Variants in PRKN observed in about 807,000 individuals in gnomAD.
PRKN encodes E3 ubiquitin-protein ligase parkin.
A neutral mutation model predicts 59.5 loss-of-function variants in PRKN; 56 were observed. The observed-to-expected ratio is 0.94, with a 90% CI of 0.76 to 1.18. The LOEUF (loss-of-function observed/expected upper bound fraction) is 1.18, where lower values mean the gene tolerates loss of function less well. Among genes scored for constraint, PRKN ranks in the 50% most tolerant of loss-of-function variants. The probability of loss-of-function intolerance (pLI) is 0.00; values close to 1 mark genes in which losing one functional copy is unlikely to be tolerated. For synonymous variants in PRKN, 250 were observed against 222.1 expected, an observed-to-expected ratio of 1.13 and a Z score of -1.12; for missense variants, 657 against 596.4, an observed-to-expected ratio of 1.10 and a Z score of -1.06.
At chr6:162,727,516 G>GCGGCGCGGGCCGGGGA (rs1342972059) in intron 1 of PRKN, 146 bp downstream of exon 1, 2 of 892,920 alleles carry the variant, frequency 2.2e-6, no homozygotes, top group Non-Finnish European at 3.4e-6. Context: ...GGGGAGCCCG[G>GCGGCGCGGGCCGGGGA]CGGCGCGGGC....
chr6:161,984,487 A>C (rs1006888733), intron 5 of PRKN, among the ~76,000 whole-genome samples: 1 of 152,078 alleles, frequency 6.6e-6, no homozygotes, highest in African/African-American at 2.4e-5. Context: ...CGAACTCCTG[A>C]CCTCAGGTGA....
chr6:161,737,973 A>G (rs542608393), intron 7 of PRKN, among the ~76,000 whole-genome samples: 1 of 152,312 alleles, frequency 6.6e-6, no homozygotes, highest in East Asian at 1.9e-4. Context: ...CTCCAAAATA[A>G]TAGTTTGGAA....
intron 1 of PRKN, among the ~76,000 whole-genome samples, chr6:162,622,636 T>C (rs935927977): frequency 6.6e-6 from 1 of 152,192 alleles, no homozygotes; most frequent in South Asian, 2.1e-4. Flanking sequence ...GATTCTTGGA[T>C]CTGATAATCC....
chr6:162,727,576 G>A (rs1254152717), intron 1 of PRKN, 86 bp downstream of exon 1: 6 of 1,382,428 alleles, frequency 4.3e-6, no homozygotes, highest in African/African-American at 4.3e-5. Context: ...TGGCACCGGG[G>A]GTCCTGGTCG....
At chr6:162,246,798 T>A (rs117033003) in intron 3 of PRKN, among the ~76,000 whole-genome samples, 2,944 of 152,290 alleles carry the variant, frequency 0.019, 46 homozygotes, top group Non-Finnish European at 0.028. Context: ...TACAGTGACA[T>A]AATTTTAAAG....
intron 6 of PRKN, among the ~76,000 whole-genome samples, chr6:161,886,130 C>T (rs1795139147): frequency 6.6e-6 from 1 of 152,086 alleles, no homozygotes; most frequent in Non-Finnish European, 1.5e-5. Flanking sequence ...GACAGCTATG[C>T]TCTAATTCAT....
rs372442600 is a variant in PRKN at position 161,722,072 on chromosome 6, CT to C, written c.871+63699del. Among the ~76,000 whole-genome samples the C allele has an allele frequency of 3.5e-3, 531 of 152,228 alleles. 4 individuals are homozygous for C. Among genetic ancestry groups the C allele is most frequent in the African/African-American group, 0.012 (500 of 41,550 alleles). On this transcript the variant is annotated intron_variant, in intron 7 of 11. Transcript: ENST00000366898. ...GGGAAACTGGCCTCTAAATCTCCGCCTTTACTGGTAAGTCAGGCTCAGCAAC... is the reference window on the plus strand; with the variant it reads ...GGGAAACTGGCCTCTAAATCTCCGCCTTACTGGTAAGTCAGGCTCAGCAAC...
intron 2 of PRKN, among the ~76,000 whole-genome samples, chr6:162,381,207 G>A (rs979783899): frequency 6.6e-6 from 1 of 152,068 alleles, no homozygotes; most frequent in Non-Finnish European, 1.5e-5. Context: ...AGTTCCTGAT[G>A]TTTCCTAAAG....
chr6:161,389,225 T>A (rs1158419734), intron 9 of PRKN, among the ~76,000 whole-genome samples: 1 of 152,232 alleles, frequency 6.6e-6, no homozygotes, highest in Non-Finnish European at 1.5e-5. Context: ...CTTCACCATG[T>A]GAACAGAGTT....
chr6:162,021,136 ATATATATATATATATATATATATATATAT>A (rs1562465359), intron 5 of PRKN, among the ~76,000 whole-genome samples: 6 of 10,252 alleles, frequency 5.9e-4, no homozygotes, highest in African/African-American at 1.3e-3. Context: ...ATATATATAT[ATATATATATATATATATATATATATATAT>A]AAAATATATG....
At chr6:162,604,365 T>C (rs905230185) in intron 1 of PRKN, among the ~76,000 whole-genome samples, 18 of 152,152 alleles carry the variant, frequency 1.2e-4, no homozygotes, top group Non-Finnish European at 2.4e-4. Context: ...CCAAGTCAAA[T>C]ACCTTGCTTT....
chr6:161,545,371 G>A lies in PRKN; in HGVS notation c.1083+3483C>T. On this transcript the variant is annotated intron_variant, in intron 9 of 11. Transcript: ENST00000366898. The surrounding 1 kb of genome is among the most constrained non-coding windows in gnomAD (Gnocchi z 4.1). ...GCTTTGCTACCAATGACTTTTCCTT[G>A]AACGATGTATTGAATGAGGCACTCA... 1.2e-6 allele frequency: 2 copies of A among 1,611,672 alleles called. No individual in the cohort carries two copies. Among genetic ancestry groups the A allele is most frequent in the South Asian group, 1.1e-5 (1 of 90,772 alleles).
chr6:161,728,304 A>G (rs1450275595), intron 7 of PRKN, among the ~76,000 whole-genome samples: 1 of 152,128 alleles, frequency 6.6e-6, no homozygotes, highest in Non-Finnish European at 1.5e-5. Context: ...GTGATTCTCA[A>G]AATGAAACCA....
intron 7 of PRKN, among the ~76,000 whole-genome samples, chr6:161,679,556 CTTT>C (rs34325718): frequency 4.6e-5 from 5 of 109,038 alleles, no homozygotes; most frequent in Admixed American, 2.0e-4. Flanking sequence ...AGTTTCAAGT[CTTT>C]TTTTTTTTTT....
intron 1 of PRKN, among the ~76,000 whole-genome samples, chr6:162,709,756 A>G (rs866795416): frequency 1.3e-5 from 2 of 152,200 alleles, no homozygotes; most frequent in African/African-American, 4.8e-5. Context: ...GGGTAAGATG[A>G]TATCTCAGAC....
chr6:162,708,781 AGTC>A (rs1391305739), intron 1 of PRKN, among the ~76,000 whole-genome samples: 1 of 152,212 alleles, frequency 6.6e-6, no homozygotes, highest in African/African-American at 2.4e-5. Flanking sequence ...TTGGGAGAGC[AGTC>A]TTCCCTGGGC....
In PRKN at chr6:161,746,778, T is replaced by C. The variant is rs184356226; in HGVS notation, c.871+38994A>G. Among the ~76,000 whole-genome samples the C allele has an allele frequency of 5.3e-3, 764 of 144,606 alleles. 1 individual carries two copies. Among genetic ancestry groups the C allele is most frequent in the African/African-American group, 0.014 (507 of 37,232 alleles). 94.9% of individuals were successfully genotyped at this position (144,606 alleles called of 152,430 possible). The stretch of plus-strand genomic sequence containing the variant: ...ATATATCTATATAGATATATATGTC[T>C]ATATCTAGAATCTAGATATGCACAG... On this transcript the variant is annotated intron_variant, in intron 7 of 11. Transcript: ENST00000366898.
chr6:162,148,110 A>C (rs912010869), intron 4 of PRKN, among the ~76,000 whole-genome samples: 1 of 152,196 alleles, frequency 6.6e-6, no homozygotes. Context: ...AATCCAGTTG[A>C]CTAGCCTTGT....
chr6:161,734,613 C>T (rs191833004), intron 7 of PRKN, among the ~76,000 whole-genome samples: 10 of 152,284 alleles, frequency 6.6e-5, no homozygotes, highest in African/African-American at 1.7e-4. Flanking sequence ...AAAATGAATA[C>T]AGTGACTAAT....
Sources: gnomAD v4.1 joint callset for allele counts (sites outside exome capture counted in the v4.1 genomes callset) on GRCh38, gnomAD v4.1.1 for gene constraint, Gnocchi (gnomAD v3.1) non-coding constraint, MANE v1.5 for transcripts, NCBI Gene and HGNC (gene_info 2026-07-23, HGNC 2026-07-21) for gene names.